The following TNR variants were observed in gnomAD, a reference collection of about 807,000 sequenced individuals.
TNR encodes the protein tenascin R.
Under a neutral mutation model 150.4 loss-of-function variants are expected in TNR, and 45 were observed. The ratio of observed to expected loss-of-function variants is 0.30; its 90% CI spans 0.24 to 0.38. The LOEUF (loss-of-function observed/expected upper bound fraction) is 0.38. Among genes scored for constraint, TNR ranks in the 10% least tolerant of loss-of-function variants. The pLI, the probability that TNR is intolerant of heterozygous loss-of-function variation, is 1.00. For synonymous variants in TNR, 687 were observed against 678.4 expected (o/e 1.01, Z -0.20); for missense variants, 1,544 against 1,759.1 (o/e 0.88, Z 2.19).
intron 1 of TNR, among the ~76,000 whole-genome samples, chr1:175,572,599 A>G (rs139908057): frequency 2.0e-5 from 3 of 152,278 alleles, no homozygotes; most frequent in Non-Finnish European, 4.4e-5. Context: ...GTTTAGTTCA[A>G]GTACAAAAGT....
intron 1 of TNR, among the ~76,000 whole-genome samples, chr1:175,662,386 C>A (rs1665405391): frequency 6.6e-6 from 1 of 151,978 alleles, no homozygotes; most frequent in African/African-American, 2.4e-5. Flanking sequence ...CCCTGAGCAG[C>A]CCCTTCTCAC....
chr1:175,541,284 G>C (rs1024394573), intron 1 of TNR, among the ~76,000 whole-genome samples: 7 of 152,208 alleles, frequency 4.6e-5, no homozygotes, highest in Admixed American at 4.6e-4. Context: ...CTGCAGGAGA[G>C]GGTCAATAAG....
chr1:175,472,452 A>T (rs1657339459), intron 2 of TNR, among the ~76,000 whole-genome samples: 1 of 152,242 alleles, frequency 6.6e-6, no homozygotes, highest in Non-Finnish European at 1.5e-5. Flanking sequence ...ATTATCAGTT[A>T]CATATTGTAC....
chr1:175,627,197 C>T (rs1337602678), intron 1 of TNR, among the ~76,000 whole-genome samples: 1 of 152,222 alleles, frequency 6.6e-6, no homozygotes, highest in African/African-American at 2.4e-5. Flanking sequence ...TTGTGATTGA[C>T]ATGGCAAGAG....
Position 175,631,547 on chromosome 1 carries a change from A to T in TNR, c.-164-103178T>A, listed in dbSNP as rs1017450466. Reference sequence around the variant, plus strand: ...GTGTATTTTATGTGTGGCCCAAGACAATTCTTCTTCTTCCAATGTGGCCTA... The same window carrying T: ...GTGTATTTTATGTGTGGCCCAAGACTATTCTTCTTCTTCCAATGTGGCCTA... On this transcript the variant is annotated intron_variant, in intron 1 of 22. Transcript: ENST00000367674. 1.2e-4 allele frequency among the ~76,000 whole-genome samples: 18 copies of T among 152,306 alleles called. 1 individual carries two copies. The South Asian group carries it at 1.2e-3, about 11-fold the overall frequency.
intron 2 of TNR, among the ~76,000 whole-genome samples, chr1:175,409,864 T>C (rs1571401131): frequency 1.7e-5 from 1 of 58,374 alleles, no homozygotes; most frequent in South Asian, 5.9e-4. Flanking sequence ...TGTGGGTGGG[T>C]GGGTTGGGCA....
intron 1 of TNR, among the ~76,000 whole-genome samples, chr1:175,706,257 C>T (rs1338393771): frequency 6.6e-6 from 1 of 152,138 alleles, no homozygotes; most frequent in African/African-American, 2.4e-5. Flanking sequence ...CACCAAATAT[C>T]AGAATGCTAT....
chr1:175,668,180 C>T (rs1040966440), intron 1 of TNR, among the ~76,000 whole-genome samples: 2 of 152,206 alleles, frequency 1.3e-5, no homozygotes, highest in African/African-American at 2.4e-5. Flanking sequence ...GGGGGCATCT[C>T]TTGTGTACCA....
chr1:175,664,305 A>G (rs1363532873), intron 1 of TNR, among the ~76,000 whole-genome samples: 1 of 152,238 alleles, frequency 6.6e-6, no homozygotes, highest in Non-Finnish European at 1.5e-5. Context: ...AATTCCTATC[A>G]GAAGGGGCAG....
chr1:175,627,883 A>G (rs974555855), intron 1 of TNR, among the ~76,000 whole-genome samples: 2 of 152,174 alleles, frequency 1.3e-5, no homozygotes, highest in Non-Finnish European at 2.9e-5. Context: ...CTTTACCATA[A>G]TAGCCACTGA....
chr1:175,487,658 T>G (rs1401953220), intron 2 of TNR, among the ~76,000 whole-genome samples: 2 of 152,058 alleles, frequency 1.3e-5, no homozygotes, highest in African/African-American at 4.8e-5. Context: ...GCAAGGCGCC[T>G]CCTTCCTCAT....
At chr1:175,680,690 G>A (rs1329666271) in intron 1 of TNR, among the ~76,000 whole-genome samples, 1 of 152,166 alleles carries the variant, frequency 6.6e-6, no homozygotes, top group Non-Finnish European at 1.5e-5. Context: ...GCAATAAGGG[G>A]TGGGGACAGG....
intron 1 of TNR, among the ~76,000 whole-genome samples, chr1:175,640,222 G>A (rs74578186): frequency 6.6e-6 from 1 of 152,268 alleles, no homozygotes; most frequent in Non-Finnish European, 1.5e-5. Flanking sequence ...TAAAGTTCTG[G>A]GACCACAGAA....
intron 2 of TNR, among the ~76,000 whole-genome samples, chr1:175,456,504 C>T (rs1423993410): frequency 8.5e-5 from 13 of 152,226 alleles, no homozygotes; most frequent in Admixed American, 7.2e-4. Flanking sequence ...ATGCTTGACA[C>T]TTAGACGGTG....
chr1:175,565,628 CA>C (rs1388235874), intron 1 of TNR, among the ~76,000 whole-genome samples: 5 of 152,122 alleles, frequency 3.3e-5, no homozygotes, highest in Non-Finnish European at 7.3e-5. Flanking sequence ...GACATGTATC[CA>C]AACCCTTATA....
chr1:175,721,851 C>A (rs1373904399), intron 1 of TNR, among the ~76,000 whole-genome samples: 1 of 138,280 alleles, frequency 7.2e-6, no homozygotes, highest in African/African-American at 2.6e-5. Flanking sequence ...CCTCCCCCCA[C>A]CCCACTGACC....
rs142303154 is a variant in TNR at position 175,363,950 on chromosome 1, T to C, written c.2588-123A>G. On this transcript the variant is annotated intron_variant, in intron 12 of 22. Coordinates refer to ENST00000367674, the MANE Select transcript of TNR (RefSeq NM_003285.3). The stretch of plus-strand genomic sequence containing the variant: ...CCCAAAGGCAGACAAGATCTTTCCA[T>C]GTAATAGGGTATCTTAAAACCATGG... 10 of 1,201,776 alleles carry C rather than the reference T, an allele frequency of 8.3e-6. No individual in the cohort carries two copies. In the East Asian group the frequency reaches 1.0e-4, roughly 12 times the overall value. 74.4% of individuals were successfully genotyped at this position (1,201,776 alleles called of 1,614,324 possible).
intron 1 of TNR, among the ~76,000 whole-genome samples, chr1:175,677,110 CA>C (rs759741853): frequency 1.3e-5 from 2 of 152,160 alleles, no homozygotes; most frequent in African/African-American, 2.4e-5. Context: ...TGTTCATTGG[CA>C]AGAAGTATTA....
intron 1 of TNR, among the ~76,000 whole-genome samples, chr1:175,549,692 C>G (rs1660859661): frequency 6.6e-6 from 1 of 152,164 alleles, no homozygotes; most frequent in Non-Finnish European, 1.5e-5. Context: ...GAGAGGTTCT[C>G]TGTTGCTGAG....
Sources: allele counts gnomAD v4.1 joint callset (sites outside exome capture counted in the v4.1 genomes callset), GRCh38; gene constraint gnomAD v4.1.1; transcripts MANE v1.5; gene names NCBI Gene and HGNC (gene_info 2026-07-23, HGNC 2026-07-21).